Variants in AMN1 observed in about 807,000 individuals in gnomAD.
AMN1 encodes protein AMN1 homolog.
AMN1 carries 20 observed loss-of-function variants against 33.0 expected under a neutral mutation model. The observed-to-expected ratio is 0.61, with a 90% CI of 0.43 to 0.88. AMN1 has a LOEUF of 0.88. Ranked by LOEUF, AMN1 falls within the 40% of genes least tolerant of loss-of-function variation. AMN1 has a pLI of 0.00. For missense variants in AMN1, 246 were observed against 307.4 expected (o/e 0.80, Z 1.49); for synonymous variants, 114 against 111.9 (o/e 1.02, Z -0.12).
At chr12:31,699,181 A>T (rs779200819) in intron 3 of AMN1, among the ~76,000 whole-genome samples, 4 of 151,974 alleles carry the variant, frequency 2.6e-5, no homozygotes, top group Non-Finnish European at 4.4e-5. Flanking sequence ...ACTTGAGCTC[A>T]GGAGTTTGAG....
upstream of AMN1, chr12:31,729,047 C>A: frequency 6.6e-7 from 1 of 1,512,330 alleles, no homozygotes; most frequent in Non-Finnish European, 8.9e-7. Context: ...GTCCCAGGGC[C>A]TCCAGAACCC....
intron 6 of AMN1, among the ~76,000 whole-genome samples, chr12:31,677,424 C>A (rs1005286035): frequency 2.6e-5 from 4 of 152,206 alleles, no homozygotes; most frequent in Non-Finnish European, 5.9e-5. Context: ...ATCCTAGTAA[C>A]AGTTAAGCCA....
rs775224507 is a variant in AMN1 at position 31,709,392 on chromosome 12, T to A, written c.72A>T (p.Arg24Ser). The A allele has an allele frequency of 9.3e-6, 15 of 1,613,866 alleles. No individual in the cohort carries two copies. The South Asian group carries it at 1.1e-4, about 12-fold the overall frequency. The change falls in exon 2 of 7, where the codon AGA becomes AGT. Residue 24 changes from arginine to serine, a missense_variant. By Grantham distance (110) the Arg-to-Ser change is moderately radical. Coordinates refer to ENST00000281471, the MANE Select transcript of AMN1 (RefSeq NM_001113402.2). Reference sequence around the variant, plus strand: ...GCAAAGGCTTAATGTCTGTGAGATATCTGGAAATATTCTTCATGAAGCACC... The same window carrying A: ...GCAAAGGCTTAATGTCTGTGAGATAACTGGAAATATTCTTCATGAAGCACC... ...CLWCFMKNIS[R>S]YLTDIKPLPP...
At chr12:31,704,581 T>C (rs1334827995) in intron 2 of AMN1, among the ~76,000 whole-genome samples, 1 of 152,132 alleles carries the variant, frequency 6.6e-6, no homozygotes, top group Non-Finnish European at 1.5e-5. Flanking sequence ...TTTCCAACTT[T>C]AGTATCATGT....
At chr12:31,674,318 G>A (rs551289461) in intron 6 of AMN1, among the ~76,000 whole-genome samples, 4 of 151,940 alleles carry the variant, frequency 2.6e-5, no homozygotes, top group South Asian at 2.1e-4. Flanking sequence ...TGAGGTGGGA[G>A]AATTGCTTGA....
intron 1 of AMN1, among the ~76,000 whole-genome samples, chr12:31,725,380 T>C (rs1302313282): frequency 6.6e-6 from 1 of 152,212 alleles, no homozygotes; most frequent in East Asian, 1.9e-4. Context: ...ACTTATAATC[T>C]TTAAAAGCTG....
chr12:31,693,751 A>G (rs1012673431), intron 5 of AMN1, among the ~76,000 whole-genome samples: 1 of 151,776 alleles, frequency 6.6e-6, no homozygotes, highest in Non-Finnish European at 1.5e-5. Context: ...CATGTTGGTC[A>G]GGCTGGTCTC....
At chr12:31,688,125 T>C (rs983156621) in intron 6 of AMN1, among the ~76,000 whole-genome samples, 4 of 152,168 alleles carry the variant, frequency 2.6e-5, no homozygotes, top group Non-Finnish European at 5.9e-5. Flanking sequence ...TGGCTAATTT[T>C]GTAATTTTAG....
Position 31,709,311 on chromosome 12 carries a change from T to C in AMN1, c.153A>G (p.Thr51=). 2 of 1,613,780 alleles carry C rather than the reference T, an allele frequency of 1.2e-6. No individual in the cohort carries two copies. The highest frequency in any genetic ancestry group is 4.5e-5 in the East Asian group (2 of 44,866). Residue 51 remains threonine, a synonymous_variant, in exon 2 of 7, where the codon ACA becomes ACG. Transcript: ENST00000281471. ...CTCTTACCTCACTTATATTTGAATC[T>C]GTTATCTGTCCCTGCATACTCATTA... The part of the protein sequence containing the change: ...IKIMSMQGQI[T]DSNISEILHP...
intron 1 of AMN1, among the ~76,000 whole-genome samples, chr12:31,712,492 T>C (rs1939506770): frequency 6.6e-6 from 1 of 152,154 alleles, no homozygotes; most frequent in South Asian, 2.1e-4. Context: ...GTGATCTGCC[T>C]GCCTTGGCCT....
chr12:31,713,222 ATATATGTATG>A (rs1240431340), intron 1 of AMN1, among the ~76,000 whole-genome samples: 1 of 152,134 alleles, frequency 6.6e-6, no homozygotes, highest in African/African-American at 2.4e-5. Context: ...TGTGTTATAT[ATATATGTATG>A]TATAAGTATC....
At position 31,708,429 on chromosome 12, in the gene AMN1, CA is replaced by C. The variant is rs1297154380; in HGVS notation, c.171+863del. 2.0e-5 allele frequency: 3 copies of C among 152,386 alleles called. No homozygotes were observed. The East Asian group carries it at 5.8e-4, about 29-fold the overall frequency. 9.4% of individuals were successfully genotyped at this position (152,386 alleles called of 1,614,324 possible). A position where few individuals can be genotyped will look rare whatever the true frequency, so the allele number is the denominator to read the frequency against. On this transcript the variant is annotated intron_variant, in intron 2 of 6. Coordinates refer to ENST00000281471, the MANE Select transcript of AMN1 (RefSeq NM_001113402.2). ...ACCCCAGCCCTGGTAAATTTGAGGT[CA>C]GACTGGTTCTCTGCTCTCGAACCGT... is the stretch of plus-strand genomic sequence containing the variant.
At chr12:31,690,862 G>A (rs1047061130) in intron 5 of AMN1, among the ~76,000 whole-genome samples, 1 of 152,200 alleles carries the variant, frequency 6.6e-6, no homozygotes, top group African/African-American at 2.4e-5. Context: ...GGGGCTGAGT[G>A]TGGTGGCTCA....
At chr12:31,716,402 TA>T (rs753687016) in intron 1 of AMN1, among the ~76,000 whole-genome samples, 1 of 152,152 alleles carries the variant, frequency 6.6e-6, no homozygotes, top group Non-Finnish European at 1.5e-5. Flanking sequence ...GCTCATAGGG[TA>T]GGCATATGTT....
At chr12:31,701,627 A>G (rs890848299) in intron 3 of AMN1, among the ~76,000 whole-genome samples, 2 of 152,168 alleles carry the variant, frequency 1.3e-5, no homozygotes, top group African/African-American at 4.8e-5. Flanking sequence ...TATTTTACAT[A>G]TGTTTAAAAT....
At chr12:31,721,975 G>T (rs1448502082) in intron 1 of AMN1, among the ~76,000 whole-genome samples, 1 of 152,184 alleles carries the variant, frequency 6.6e-6, no homozygotes, top group African/African-American at 2.4e-5. Flanking sequence ...CATGGCCTAG[G>T]AACAGAGTAA....
At chr12:31,722,394 C>T (rs1196185472) in intron 1 of AMN1, among the ~76,000 whole-genome samples, 2 of 152,084 alleles carry the variant, frequency 1.3e-5, no homozygotes, top group Admixed American at 6.6e-5. Flanking sequence ...TATTTCACAC[C>T]CCTTATCATC....
At chr12:31,713,733 T>C (rs767449076) in intron 1 of AMN1, among the ~76,000 whole-genome samples, 1 of 152,018 alleles carries the variant, frequency 6.6e-6, no homozygotes, top group Non-Finnish European at 1.5e-5. Context: ...CCCAGCTACC[T>C]GGGGTGCGGG....
chr12:31,676,967 G>T (rs1189796780), intron 6 of AMN1, among the ~76,000 whole-genome samples: 1 of 151,614 alleles, frequency 6.6e-6, no homozygotes, highest in Non-Finnish European at 1.5e-5. Context: ...GGGTCGCTAA[G>T]TATTTCATAA....
Sources: gnomAD v4.1 joint callset for allele counts (sites outside exome capture counted in the v4.1 genomes callset) on GRCh38, gnomAD v4.1.1 for gene constraint, MANE v1.5 for transcripts, NCBI Gene and HGNC (gene_info 2026-07-23, HGNC 2026-07-21) for gene names.